Variants in LRP1B observed in about 807,000 individuals in gnomAD.
LRP1B encodes low-density lipoprotein receptor-related protein 1B.
LRP1B carries 217 observed loss-of-function variants against 556.6 expected under a neutral mutation model. That is an observed-to-expected ratio of 0.39 (90% CI 0.35 to 0.44). The LOEUF (loss-of-function observed/expected upper bound fraction) is 0.44, where lower values mean the gene tolerates loss of function less well. LRP1B is among the 20% of genes least tolerant of loss of function. LRP1B has a pLI of 1.00. For synonymous variants in LRP1B, 2,047 were observed against 1,865.8 expected, an observed-to-expected ratio of 1.10 and a Z score of -2.50; for missense variants, 5,053 against 5,620.8, an observed-to-expected ratio of 0.90 and a Z score of 3.23.
intron 25 of LRP1B, among the ~76,000 whole-genome samples, chr2:140,877,566 G>A (rs1693348755): frequency 6.6e-6 from 1 of 152,130 alleles, no homozygotes; most frequent in Admixed American, 6.6e-5. Context: ...GCTGGGACCT[G>A]CTTAGGGCCA....
chr2:141,706,990 C>T (rs1051245484), intron 2 of LRP1B, among the ~76,000 whole-genome samples: 3 of 152,056 alleles, frequency 2.0e-5, no homozygotes, highest in Non-Finnish European at 2.9e-5. Context: ...CCTCTATCTC[C>T]TTATCAATAG....
At chr2:141,642,430 G>A (rs756903541) in intron 2 of LRP1B, among the ~76,000 whole-genome samples, 1 of 151,984 alleles carries the variant, frequency 6.6e-6, no homozygotes, top group Non-Finnish European at 1.5e-5. Flanking sequence ...GAGTGTGCAG[G>A]CTTTATAGGA....
At chr2:141,054,163 AT>A (rs1433277209) in intron 10 of LRP1B, among the ~76,000 whole-genome samples, 32 of 152,030 alleles carry the variant, frequency 2.1e-4, no homozygotes, top group African/African-American at 7.2e-4. Context: ...ATTCTAACAC[AT>A]TTAGTGATCT....
intron 12 of LRP1B, among the ~76,000 whole-genome samples, chr2:141,019,694 AT>A (rs1002515205): frequency 6.6e-6 from 1 of 152,038 alleles, no homozygotes; most frequent in African/African-American, 2.4e-5. Context: ...AAATCAAGTA[AT>A]ACATCTTTGC....
At chr2:140,264,235 T>G (rs1573704785) in intron 86 of LRP1B, among the ~76,000 whole-genome samples, 1 of 141,538 alleles carries the variant, frequency 7.1e-6, no homozygotes, top group African/African-American at 3.2e-5. Flanking sequence ...TTTTTTGGTT[T>G]GTTTATTTTT....
intron 2 of LRP1B, among the ~76,000 whole-genome samples, chr2:141,525,342 A>T (rs1000275716): frequency 6.6e-6 from 1 of 152,058 alleles, no homozygotes; most frequent in African/African-American, 2.4e-5. Context: ...TGTATTTGAA[A>T]GTATCTAGGA....
At chr2:141,705,255 T>C (rs997038871) in intron 2 of LRP1B, among the ~76,000 whole-genome samples, 1 of 152,016 alleles carries the variant, frequency 6.6e-6, no homozygotes, top group South Asian at 2.1e-4. Context: ...ATTTCTGCTA[T>C]GTCATTTTGA....
chr2:141,219,155 G>A (rs919595471), intron 6 of LRP1B, among the ~76,000 whole-genome samples: 10 of 152,172 alleles, frequency 6.6e-5, no homozygotes, highest in African/African-American at 2.2e-4. Context: ...CAATCCAATC[G>A]GGTTGAGGCC....
At chr2:141,161,575 G>C (rs1680035968) in intron 7 of LRP1B, among the ~76,000 whole-genome samples, 1 of 152,134 alleles carries the variant, frequency 6.6e-6, no homozygotes, top group African/African-American at 2.4e-5. Flanking sequence ...CCTTTGTAAA[G>C]CAAAGGCATT....
intron 52 of LRP1B, among the ~76,000 whole-genome samples, chr2:140,509,114 A>C (rs1689546734): frequency 6.6e-6 from 1 of 151,422 alleles, no homozygotes; most frequent in African/African-American, 2.4e-5. Context: ...ACACACAGAC[A>C]CTTATATTAT....
intron 3 of LRP1B, among the ~76,000 whole-genome samples, chr2:141,296,115 G>A (rs966715048): frequency 3.3e-5 from 5 of 152,182 alleles, no homozygotes; most frequent in South Asian, 2.1e-4. Context: ...CTGGCCTTTA[G>A]GAGCCCATCT....
chr2:140,545,802 A>C (rs962244331), intron 43 of LRP1B, among the ~76,000 whole-genome samples: 1 of 152,104 alleles, frequency 6.6e-6, no homozygotes, highest in African/African-American at 2.4e-5. Flanking sequence ...GAAGAATTTC[A>C]ATGGTAGTTT....
chr2:141,452,640 A>G (rs978875356), intron 3 of LRP1B, among the ~76,000 whole-genome samples: 15 of 152,182 alleles, frequency 9.9e-5, no homozygotes, highest in African/African-American at 3.6e-4. Flanking sequence ...TTCCCAGTAA[A>G]GAAGTTTCCC....
chr2:140,743,326 T>C (rs1444876038), intron 35 of LRP1B, among the ~76,000 whole-genome samples: 1 of 152,148 alleles, frequency 6.6e-6, no homozygotes, highest in African/African-American at 2.4e-5. Flanking sequence ...GAGTAAAAAA[T>C]GCAGATTCAT....
At chr2:141,738,384 T>C (rs1029056221) in intron 2 of LRP1B, among the ~76,000 whole-genome samples, 5 of 152,108 alleles carry the variant, frequency 3.3e-5, no homozygotes, top group African/African-American at 1.2e-4. Context: ...CACAATGCAG[T>C]GCTCCATGTA....
chr2:141,383,748 T>C (rs1265178403), intron 3 of LRP1B, among the ~76,000 whole-genome samples: 1 of 152,148 alleles, frequency 6.6e-6, no homozygotes, highest in Non-Finnish European at 1.5e-5. Context: ...GTAAAATATG[T>C]CCAGATGCAG....
intron 67 of LRP1B, among the ~76,000 whole-genome samples, chr2:140,383,495 C>G (rs113359541): frequency 1.3e-5 from 2 of 152,072 alleles, no homozygotes; most frequent in African/African-American, 4.8e-5. Flanking sequence ...CTGTGTAGAA[C>G]GACTGGCATT....
At chr2:140,890,490 T>C (rs1445788689) in intron 23 of LRP1B, among the ~76,000 whole-genome samples, 1 of 152,192 alleles carries the variant, frequency 6.6e-6, no homozygotes. Context: ...AATCTTTTCA[T>C]GTTCTTGTAT....
At chr2:141,206,435 A>AG (rs912302042) in intron 6 of LRP1B, among the ~76,000 whole-genome samples, 6 of 151,850 alleles carry the variant, frequency 4.0e-5, no homozygotes, top group Non-Finnish European at 7.4e-5. Context: ...CAAAAAAAAA[A>AG]TTAGCCAGGC....
Sources: gnomAD v4.1 joint callset for allele counts (sites outside exome capture counted in the v4.1 genomes callset) on GRCh38, gnomAD v4.1.1 for gene constraint, MANE v1.5 for transcripts, NCBI Gene and HGNC (gene_info 2026-07-23, HGNC 2026-07-21) for gene names.